The following MARCHF1 variants were observed in gnomAD, a reference collection of about 807,000 sequenced individuals.
MARCHF1 encodes the protein E3 ubiquitin-protein ligase MARCHF1.
In MARCHF1, 40 loss-of-function variants were observed where a neutral mutation model predicts 54.2. That is an observed-to-expected ratio of 0.74 (90% CI 0.57 to 0.96). The LOEUF (loss-of-function observed/expected upper bound fraction) is 0.96, where lower values mean the gene tolerates loss of function less well. MARCHF1 is among the 40% of genes least tolerant of loss of function. MARCHF1 has a pLI of 0.00. For missense variants in MARCHF1, 586 were observed against 656.5 expected (o/e 0.89, Z 1.17); for synonymous variants, 236 against 236.3 (o/e 1.00, Z 0.01).
chr4:163,546,645 C>T (rs1738917875), intron 8 of MARCHF1, among the ~76,000 whole-genome samples: 1 of 152,304 alleles, frequency 6.6e-6, no homozygotes, highest in East Asian at 1.9e-4. Flanking sequence ...TTGGGCGATA[C>T]TAGAAAATCT....
At chr4:164,268,466 C>T (rs1361625743) in intron 1 of MARCHF1, among the ~76,000 whole-genome samples, 3 of 152,258 alleles carry the variant, frequency 2.0e-5, no homozygotes, top group East Asian at 3.9e-4. Flanking sequence ...TCTTTATGAG[C>T]TCCCACTGTC....
At chr4:163,886,276 T>A (rs1042432066) in intron 3 of MARCHF1, among the ~76,000 whole-genome samples, 6 of 150,068 alleles carry the variant, frequency 4.0e-5, no homozygotes, top group African/African-American at 1.2e-4. Context: ...TAGATATAGA[T>A]AGATATATAG....
intron 5 of MARCHF1, among the ~76,000 whole-genome samples, chr4:163,619,171 C>T (rs1007327422): frequency 6.6e-6 from 1 of 152,134 alleles, no homozygotes; most frequent in African/African-American, 2.4e-5. Context: ...TGTTGGATTG[C>T]ATCCTGAAAA....
intron 1 of MARCHF1, among the ~76,000 whole-genome samples, chr4:164,200,227 CCTAGTGT>C (rs777207839): frequency 6.4e-4 from 97 of 152,158 alleles, no homozygotes; most frequent in Non-Finnish European, 1.1e-3. Context: ...AATTTGGATT[CCTAGTGT>C]CTATTATATT....
chr4:164,058,976 G>T (rs567789399), intron 2 of MARCHF1, among the ~76,000 whole-genome samples: 1 of 152,224 alleles, frequency 6.6e-6, no homozygotes, highest in African/African-American at 2.4e-5. Flanking sequence ...TTAAAGTCTG[G>T]CTTGGCATAG....
At chr4:164,284,150 C>T (rs1003111937) in intron 1 of MARCHF1, among the ~76,000 whole-genome samples, 1 of 151,002 alleles carries the variant, frequency 6.6e-6, no homozygotes, top group African/African-American at 2.4e-5. Flanking sequence ...ATTCAAATCA[C>T]TTAATGGGTA....
At chr4:163,979,345 T>C (rs1353076300) in intron 3 of MARCHF1, among the ~76,000 whole-genome samples, 1 of 149,752 alleles carries the variant, frequency 6.7e-6, no homozygotes, top group South Asian at 2.1e-4. Context: ...ACAAAGGACA[T>C]GAACTCATCA....
chr4:163,640,606 T>A (rs1016583262), intron 5 of MARCHF1, among the ~76,000 whole-genome samples: 2 of 152,152 alleles, frequency 1.3e-5, no homozygotes, highest in African/African-American at 4.8e-5. Flanking sequence ...GTATATCCAA[T>A]CATATTTCTA....
chr4:163,645,509 A>G lies in MARCHF1; in HGVS notation c.163-32116T>C, dbSNP rs148186413. Among the ~76,000 whole-genome samples, 1,201 of 152,342 alleles carry G rather than the reference A, an allele frequency of 7.9e-3. 17 individuals are homozygous for G. The highest frequency in any genetic ancestry group is 0.028 in the African/African-American group (1,149 of 41,594). Reference sequence around the variant, plus strand: ...CACCAAAAGAAAGAAATAAAGTTCCAGCAACCAAGTCCAAAGAAATGGTGA... The same window carrying G: ...CACCAAAAGAAAGAAATAAAGTTCCGGCAACCAAGTCCAAAGAAATGGTGA... On this transcript the variant is annotated intron_variant, in intron 5 of 9. Coordinates refer to ENST00000514618, the MANE Select transcript of MARCHF1 (RefSeq NM_001394959.1).
At chr4:164,372,032 G>A (rs889853756) in intron 1 of MARCHF1, among the ~76,000 whole-genome samples, 3 of 152,272 alleles carry the variant, frequency 2.0e-5, no homozygotes, top group South Asian at 4.1e-4. Flanking sequence ...CAGTGATGGC[G>A]CCACGGCATT....
intron 1 of MARCHF1, among the ~76,000 whole-genome samples, chr4:164,367,774 T>G (rs545484495): frequency 2.6e-5 from 4 of 152,038 alleles, no homozygotes; most frequent in South Asian, 2.1e-4. Context: ...TTAATTATCT[T>G]TTTTTAAAGT....
chr4:163,677,100 T>G (rs537572427), intron 5 of MARCHF1, among the ~76,000 whole-genome samples: 80 of 152,316 alleles, frequency 5.3e-4, no homozygotes, highest in African/African-American at 1.8e-3. Flanking sequence ...TCAAAACCTT[T>G]CAGGGAGAAA....
At chr4:164,030,825 G>A (rs1164682690) in intron 2 of MARCHF1, among the ~76,000 whole-genome samples, 1 of 152,122 alleles carries the variant, frequency 6.6e-6, no homozygotes, top group Non-Finnish European at 1.5e-5. Context: ...TACTGAGAAG[G>A]TGAGATTAGA....
At chr4:163,781,927 A>G (rs1747476669) in intron 4 of MARCHF1, among the ~76,000 whole-genome samples, 1 of 152,158 alleles carries the variant, frequency 6.6e-6, no homozygotes, top group South Asian at 2.1e-4. Context: ...AAACTGCCTG[A>G]GGCACTTTTT....
intron 1 of MARCHF1, among the ~76,000 whole-genome samples, chr4:164,239,340 T>C (rs1049449726): frequency 1.3e-5 from 2 of 152,118 alleles, no homozygotes; most frequent in African/African-American, 4.8e-5. Flanking sequence ...GTTTACTTAT[T>C]TGATAGTTCC....
chr4:163,641,125 T>C (rs1446125972), intron 5 of MARCHF1, among the ~76,000 whole-genome samples: 1 of 152,148 alleles, frequency 6.6e-6, no homozygotes, highest in East Asian at 1.9e-4. Context: ...CTACATTTAC[T>C]TAATGTTACA....
intron 8 of MARCHF1, among the ~76,000 whole-genome samples, chr4:163,573,329 TAC>T (rs1231405265): frequency 8.7e-5 from 13 of 149,596 alleles, no homozygotes; most frequent in Admixed American, 4.7e-4. Context: ...ATTATTATTA[TAC>T]TTTAAGTTTT....
At chr4:164,322,931 GT>G (rs1735180042) in intron 1 of MARCHF1, among the ~76,000 whole-genome samples, 1 of 151,752 alleles carries the variant, frequency 6.6e-6, no homozygotes, top group South Asian at 2.1e-4. Flanking sequence ...AATATGTAAA[GT>G]AAAAACTGTT....
intron 5 of MARCHF1, among the ~76,000 whole-genome samples, chr4:163,658,536 C>G (rs532905404): frequency 3.9e-5 from 6 of 152,022 alleles, no homozygotes; most frequent in African/African-American, 1.4e-4. Context: ...TTGACCCAGC[C>G]ATCTCATTAC....
Sources: gnomAD v4.1 joint callset for allele counts (sites outside exome capture counted in the v4.1 genomes callset) on GRCh38, gnomAD v4.1.1 for gene constraint, MANE v1.5 for transcripts, NCBI Gene and HGNC (gene_info 2026-07-23, HGNC 2026-07-21) for gene names.